ERI3: variants seen among roughly 807,000 people sequenced by gnomAD.
ERI3 encodes ERI1 exoribonuclease 3.
A neutral mutation model predicts 44.4 loss-of-function variants in ERI3; 18 were observed. That is an observed-to-expected ratio of 0.41 (90% CI 0.28 to 0.60). The LOEUF (loss-of-function observed/expected upper bound fraction) is 0.60. Ranked by LOEUF, ERI3 falls within the 20% of genes least tolerant of loss-of-function variation. The pLI is 0.36. For synonymous variants in ERI3, 183 were observed against 164.8 expected (o/e 1.11, Z -0.84); for missense variants, 294 against 435.5 (o/e 0.68, Z 2.89).
intron 5 of ERI3, among the ~76,000 whole-genome samples, chr1:44,308,950 C>T (rs2154327673): frequency 6.6e-6 from 1 of 152,316 alleles, no homozygotes; most frequent in South Asian, 2.1e-4. Context: ...CATCCTGACA[C>T]CTGGGACAGT....
At chr1:44,303,243 C>T (rs1645763565) in intron 6 of ERI3, among the ~76,000 whole-genome samples, 1 of 152,226 alleles carries the variant, frequency 6.6e-6, no homozygotes, top group African/African-American at 2.4e-5. Flanking sequence ...TGAGAAAATC[C>T]AGGGCTTCCT....
At chr1:44,276,923 T>C (rs1224928979) in intron 7 of ERI3, among the ~76,000 whole-genome samples, 6 of 152,210 alleles carry the variant, frequency 3.9e-5, no homozygotes, top group East Asian at 1.9e-4. Flanking sequence ...AGTCATACAA[T>C]TGAACAGAGT....
intron 7 of ERI3, among the ~76,000 whole-genome samples, chr1:44,248,324 C>T (rs1644597972): frequency 2.0e-5 from 3 of 152,150 alleles, no homozygotes; most frequent in Admixed American, 2.0e-4. Flanking sequence ...CACTAGGCTC[C>T]TCCTTCTCAG....
chr1:44,297,345 T>A (rs916147804), intron 6 of ERI3, among the ~76,000 whole-genome samples: 1 of 151,972 alleles, frequency 6.6e-6, no homozygotes, highest in Admixed American at 6.6e-5. Context: ...AGGTGAAGCC[T>A]TGAGTTCCCC....
chr1:44,316,992 A>G (rs755182957), intron 4 of ERI3, among the ~76,000 whole-genome samples: 27 of 152,186 alleles, frequency 1.8e-4, no homozygotes, highest in Non-Finnish European at 3.5e-4. Flanking sequence ...GTACTAACAC[A>G]TTCCTAATAT....
intron 7 of ERI3, among the ~76,000 whole-genome samples, chr1:44,283,057 G>A (rs142482770): frequency 1.2e-4 from 18 of 152,314 alleles, no homozygotes; most frequent in African/African-American, 4.3e-4. Flanking sequence ...CAGGGTAATT[G>A]TTCATGGTCA....
intron 5 of ERI3, among the ~76,000 whole-genome samples, chr1:44,310,951 T>TCGTGTG (rs1553195163): frequency 4.2e-5 from 4 of 95,026 alleles, no homozygotes; most frequent in African/African-American, 1.7e-4. Context: ...TATGTGCACA[T>TCGTGTG]CGCGCGCGCG....
chr1:44,341,331 A>T (rs993513493), intron 2 of ERI3, among the ~76,000 whole-genome samples: 5 of 152,246 alleles, frequency 3.3e-5, no homozygotes, highest in South Asian at 2.1e-4. Flanking sequence ...TGCCTGGCAT[A>T]TAACAGCCTA....
At chr1:44,260,174 T>C (rs750581474) in intron 7 of ERI3, among the ~76,000 whole-genome samples, 1 of 152,210 alleles carries the variant, frequency 6.6e-6, no homozygotes, top group African/African-American at 2.4e-5. Flanking sequence ...AAAGAACTCA[T>C]AGTCCTTTGA....
intron 8 of ERI3, among the ~76,000 whole-genome samples, chr1:44,230,624 A>G (rs1321104570): frequency 1.3e-5 from 2 of 152,158 alleles, no homozygotes; most frequent in East Asian, 3.9e-4. Flanking sequence ...AAGTTCCAGG[A>G]CCTGTGACCC....
At chr1:44,283,701 C>T (rs1396160483) in intron 7 of ERI3, among the ~76,000 whole-genome samples, 1 of 152,208 alleles carries the variant, frequency 6.6e-6, no homozygotes, top group Non-Finnish European at 1.5e-5. Context: ...AAGCAAACAA[C>T]TTCACAAATG....
chr1:44,292,167 G>C (rs934306355), intron 6 of ERI3, among the ~76,000 whole-genome samples: 1 of 152,156 alleles, frequency 6.6e-6, no homozygotes, highest in African/African-American at 2.4e-5. Flanking sequence ...CAGTGCCTTG[G>C]TCAGGAAAAG....
At chr1:44,301,265 A>C (rs1645720187) in intron 6 of ERI3, among the ~76,000 whole-genome samples, 1 of 152,166 alleles carries the variant, frequency 6.6e-6, no homozygotes. Flanking sequence ...TCTAAGGCCC[A>C]GAATTCCTAT....
At chr1:44,323,151 A>G (rs898628718) in intron 3 of ERI3, 3 of 303,332 alleles carry the variant, frequency 9.9e-6, no homozygotes, top group African/African-American at 6.5e-5. Context: ...CCCTATCCTA[A>G]TAATAGCTTT....
chr1:44,248,995 C>G (rs188179966), intron 7 of ERI3, among the ~76,000 whole-genome samples: 1 of 152,242 alleles, frequency 6.6e-6, no homozygotes, highest in East Asian at 1.9e-4. Flanking sequence ...CATGACTGAC[C>G]TGATGCCACA....
At chr1:44,313,507 C>T (rs1646017573) in intron 4 of ERI3, among the ~76,000 whole-genome samples, 1 of 152,218 alleles carries the variant, frequency 6.6e-6, no homozygotes. Context: ...AAGGCATGTT[C>T]TCACACCTGT....
chr1:44,294,579 C>T (rs1645571809), intron 6 of ERI3, among the ~76,000 whole-genome samples: 1 of 152,210 alleles, frequency 6.6e-6, no homozygotes, highest in African/African-American at 2.4e-5. Flanking sequence ...CAGGGAAAGG[C>T]ACAGTGCCCC....
intron 7 of ERI3, chr1:44,284,030 G>A (rs559795353): frequency 3.6e-5 from 17 of 471,006 alleles, no homozygotes; most frequent in Middle Eastern, 3.4e-4. Context: ...TCCTCTGACT[G>A]GTAGCATGAG....
Position 44,284,919 on chromosome 1 carries a change from A to T in ERI3, c.759-12T>A, listed in dbSNP as rs368756908. 47 of 1,612,840 alleles carry T rather than the reference A, an allele frequency of 2.9e-5. No individual in the cohort carries two copies. In the African/African-American group the frequency reaches 6.0e-4, roughly 21 times the overall value. On this transcript the variant is annotated splice_polypyrimidine_tract_variant and intron_variant, in intron 6 of 8. Transcript: ENST00000372257. Reference sequence around the variant, plus strand: ...ACTGGCCTGGGAGCCTACAAAAAAAAGGGAAGAGAGAACAAGTTGGGCGCA... The same window carrying T: ...ACTGGCCTGGGAGCCTACAAAAAAATGGGAAGAGAGAACAAGTTGGGCGCA...
Sources: allele counts gnomAD v4.1 joint callset (sites outside exome capture counted in the v4.1 genomes callset), GRCh38; gene constraint gnomAD v4.1.1; transcripts MANE v1.5; gene names NCBI Gene and HGNC (gene_info 2026-07-23, HGNC 2026-07-21).